The following SBF2 variants were observed in gnomAD, a reference collection of about 807,000 sequenced individuals.
The protein encoded by SBF2 is myotubularin-related protein 13.
In SBF2, 112 loss-of-function variants were observed where a neutral mutation model predicts 225.2. The observed-to-expected ratio is 0.50, with a 90% CI of 0.43 to 0.58. SBF2 has a LOEUF of 0.58. SBF2 is among the 20% of genes least tolerant of loss of function. The pLI, the probability that SBF2 is intolerant of heterozygous loss-of-function variation, is 0.00. For synonymous variants in SBF2, 763 were observed against 773.3 expected (o/e 0.99, Z 0.22); for missense variants, 1,996 against 2,206.2 (o/e 0.90, Z 1.91).
intron 1 of SBF2, among the ~76,000 whole-genome samples, chr11:10,257,734 C>T (rs1168181664): frequency 1.4e-5 from 2 of 147,068 alleles, no homozygotes; most frequent in African/African-American, 5.0e-5. Context: ...CAGTGGCTCA[C>T]GCCTATAATC....
At chr11:9,851,028 C>T (rs894132232) in intron 21 of SBF2, among the ~76,000 whole-genome samples, 1 of 151,296 alleles carries the variant, frequency 6.6e-6, no homozygotes, top group Non-Finnish European at 1.5e-5. Context: ...CTCAGCTACT[C>T]AGAAGGCGGA....
chr11:9,818,039 G>A (rs975937571), intron 28 of SBF2, among the ~76,000 whole-genome samples: 1 of 152,158 alleles, frequency 6.6e-6, no homozygotes, highest in African/African-American at 2.4e-5. Flanking sequence ...TCCACCTCCT[G>A]GGTTCAAGCG....
chr11:10,257,682 A>AG (rs1339090012), intron 1 of SBF2, among the ~76,000 whole-genome samples: 3 of 149,240 alleles, frequency 2.0e-5, no homozygotes, highest in African/African-American at 7.4e-5. Flanking sequence ...AAAAAAAAAA[A>AG]AAAAAAAAGA....
At chr11:9,807,932 G>C in intron 32 of SBF2, 68 bp downstream of exon 32, 1 of 1,379,698 alleles carries the variant, frequency 7.2e-7, no homozygotes, top group Non-Finnish European at 1.0e-6. Context: ...CCATCGCAAT[G>C]CTCCATCAAT....
chr11:9,970,472 C>A (rs1867260714), intron 13 of SBF2, among the ~76,000 whole-genome samples: 3 of 152,092 alleles, frequency 2.0e-5, no homozygotes. Context: ...CCCATACATC[C>A]TCTTGACACT....
intron 17 of SBF2, among the ~76,000 whole-genome samples, chr11:9,883,333 T>C (rs1859984446): frequency 6.6e-6 from 1 of 152,108 alleles, no homozygotes. Context: ...AAACAACCAC[T>C]GTATTTTTTT....
At chr11:9,995,712 G>A (rs1217471097) in intron 9 of SBF2, among the ~76,000 whole-genome samples, 5 of 150,410 alleles carry the variant, frequency 3.3e-5, no homozygotes, top group African/African-American at 1.2e-4. Flanking sequence ...GTGCAACGGC[G>A]TGATCTCGGC....
intron 36 of SBF2, 64 bp from the exon 37 acceptor site, chr11:9,785,382 T>C: frequency 4.2e-6 from 5 of 1,188,484 alleles, no homozygotes; most frequent in Non-Finnish European, 6.2e-6. Context: ...ACTGGAAAAT[T>C]TCATTTACAA....
intron 33 of SBF2, among the ~76,000 whole-genome samples, chr11:9,792,372 A>G (rs919809795): frequency 2.6e-5 from 4 of 151,812 alleles, no homozygotes; most frequent in African/African-American, 9.7e-5. Context: ...TGGAGGTTGC[A>G]GTGAGCTGAG....
At chr11:10,080,104 C>A (rs1276169961) in intron 2 of SBF2, among the ~76,000 whole-genome samples, 6 of 151,714 alleles carry the variant, frequency 4.0e-5, no homozygotes, top group Non-Finnish European at 7.4e-5. Flanking sequence ...AAAAATTAGC[C>A]AGGCCTGGTA....
At chr11:10,104,605 A>T (rs922256682) in intron 2 of SBF2, among the ~76,000 whole-genome samples, 3 of 152,202 alleles carry the variant, frequency 2.0e-5, no homozygotes, top group African/African-American at 4.8e-5. Flanking sequence ...TGACCAAAAC[A>T]AACTACATTT....
At chr11:9,910,295 C>T (rs1862492194) in intron 16 of SBF2, among the ~76,000 whole-genome samples, 1 of 152,170 alleles carries the variant, frequency 6.6e-6, no homozygotes, top group African/African-American at 2.4e-5. Context: ...ATTACTCAGA[C>T]ATTTGGGCTG....
At chr11:9,806,485 G>C (rs1371866167) in intron 32 of SBF2, among the ~76,000 whole-genome samples, 1 of 152,152 alleles carries the variant, frequency 6.6e-6, no homozygotes, top group African/African-American at 2.4e-5. Flanking sequence ...TTTGGCCTCA[G>C]GTAAGCTTTC....
intron 2 of SBF2, among the ~76,000 whole-genome samples, chr11:10,169,428 A>G (rs539500593): frequency 2.6e-5 from 4 of 152,300 alleles, no homozygotes; most frequent in South Asian, 2.1e-4. Context: ...AATAAGTGAG[A>G]ATGTGCAAAG....
intron 1 of SBF2, among the ~76,000 whole-genome samples, chr11:10,246,108 C>T (rs1000121366): frequency 6.6e-6 from 1 of 152,140 alleles, no homozygotes; most frequent in Non-Finnish European, 1.5e-5. Flanking sequence ...TATACAAAGA[C>T]ACTAGATCTT....
intron 16 of SBF2, among the ~76,000 whole-genome samples, chr11:9,900,128 T>A (rs532408202): frequency 2.6e-5 from 4 of 152,042 alleles, no homozygotes; most frequent in African/African-American, 9.6e-5. Flanking sequence ...AAACCCAGTT[T>A]CACTGAGTAT....
At chr11:10,072,475 T>A (rs1045180831) in intron 2 of SBF2, among the ~76,000 whole-genome samples, 9 of 146,404 alleles carry the variant, frequency 6.1e-5, no homozygotes, top group African/African-American at 2.0e-4. Flanking sequence ...TATACTTCTA[T>A]TTTTTTTTTC....
intron 2 of SBF2, among the ~76,000 whole-genome samples, chr11:10,080,374 A>AT (rs1951319557): frequency 1.3e-5 from 2 of 152,070 alleles, no homozygotes; most frequent in South Asian, 4.2e-4. Flanking sequence ...GACCGGTCCT[A>AT]TCAAAAAAAC....
At position 9,919,679 on chromosome 11, in the gene SBF2, C is replaced by G. The variant is rs991717825; in HGVS notation, c.1861-23668G>C. ...AGGGGTCCATCTTTAACTACCAGGT[C>G]CAGGGTGTGGCCCCGGGCTGTCTGC... On this transcript the variant is annotated intron_variant, in intron 16 of 39. Transcript: ENST00000256190. 7.2e-5 allele frequency among the ~76,000 whole-genome samples: 11 copies of G among 152,240 alleles called. No homozygotes were observed. In the South Asian group the frequency reaches 1.0e-3, roughly 14 times the overall value.
Sources: gnomAD v4.1 joint callset for allele counts (sites outside exome capture counted in the v4.1 genomes callset) on GRCh38, gnomAD v4.1.1 for gene constraint, MANE v1.5 for transcripts, NCBI Gene and HGNC (gene_info 2026-07-23, HGNC 2026-07-21) for gene names.